Variants in SEMA4D observed in about 807,000 individuals in gnomAD.
SEMA4D encodes semaphorin 4D, also known as semaphorin-4D.
SEMA4D carries 22 observed loss-of-function variants against 74.8 expected under a neutral mutation model. The observed-to-expected ratio is 0.29, with a 90% confidence interval of 0.21 to 0.42. The LOEUF (loss-of-function observed/expected upper bound fraction) is 0.42. Among genes scored for constraint, SEMA4D ranks in the 10% least tolerant of loss-of-function variants. The pLI, the probability that SEMA4D is intolerant of heterozygous loss-of-function variation, is 1.00. For synonymous variants in SEMA4D, 445 were observed against 463.7 expected (o/e 0.96, Z 0.52); for missense variants, 937 against 1,118.4 (o/e 0.84, Z 2.31).
intron 16 of SEMA4D, among the ~76,000 whole-genome samples, chr9:89,370,262 GTGTT>G (rs1384086339): frequency 6.6e-6 from 1 of 151,886 alleles, no homozygotes; most frequent in Non-Finnish European, 1.5e-5. Flanking sequence ...CATGGTGTGT[GTGTT>G]GTGTGGTGGA....
intron 1 of SEMA4D, among the ~76,000 whole-genome samples, chr9:89,471,441 AAAC>A (rs1358102498): frequency 1.3e-5 from 2 of 152,256 alleles, no homozygotes; most frequent in East Asian, 3.8e-4. Context: ...TATAAAAATA[AAAC>A]AATAAAAGAA....
At chr9:89,475,041 C>T (rs1277197168) in intron 1 of SEMA4D, among the ~76,000 whole-genome samples, 4 of 152,220 alleles carry the variant, frequency 2.6e-5, no homozygotes. Flanking sequence ...ACCCCTCTTT[C>T]TCCCCAGCTC....
chr9:89,369,541 C>CACT (rs1191658649), intron 16 of SEMA4D: 6 of 152,174 alleles, frequency 3.9e-5, no homozygotes, highest in East Asian at 1.9e-4. Flanking sequence ...TGTGTGTGCA[C>CACT]ACTAATGTAC....
downstream of SEMA4D, chr9:89,376,628 A>G (rs1835821822): frequency 1.5e-6 from 1 of 684,528 alleles, no homozygotes; most frequent in Non-Finnish European, 2.4e-6. Context: ...CCTGTACACT[A>G]GAAGTGGCTT....
intron 2 of SEMA4D, 93 bp downstream of exon 2, chr9:89,455,795 C>T (rs1274232793): frequency 6.6e-6 from 1 of 152,272 alleles, no homozygotes; most frequent in Non-Finnish European, 1.5e-5. Flanking sequence ...TCGCTGCTGA[C>T]TGAGGAATGG....
chr9:89,425,480 G>A (rs962901156), intron 2 of SEMA4D, among the ~76,000 whole-genome samples: 2 of 152,244 alleles, frequency 1.3e-5, no homozygotes, highest in African/African-American at 4.8e-5. Flanking sequence ...CCTGGAAGCA[G>A]CACGTGGCCC....
intron 2 of SEMA4D, chr9:89,418,066 T>C: frequency 2.0e-6 from 2 of 984,204 alleles, no homozygotes; most frequent in Non-Finnish European, 2.4e-6. Flanking sequence ...CTGTATCTTA[T>C]GCCTCTTGAA....
intron 2 of SEMA4D, among the ~76,000 whole-genome samples, chr9:89,441,991 G>A (rs531534500): frequency 8.5e-5 from 13 of 152,336 alleles, no homozygotes; most frequent in African/African-American, 2.9e-4. Flanking sequence ...CCATTGGACT[G>A]TAAGGCTCTG....
chr9:89,360,955 G>T (rs1304013085), exon 19 of SEMA4D: 1 of 152,188 alleles, frequency 6.6e-6, no homozygotes, highest in Non-Finnish European at 1.5e-5. Context: ...TTCAGGAGAA[G>T]AGACAGAAAA....
chr9:89,385,341 G>A, intron 13 of SEMA4D: 1 of 985,384 alleles, frequency 1.0e-6, no homozygotes, highest in Non-Finnish European at 1.2e-6. Flanking sequence ...TGTTGTAGGT[G>A]CCTGCCCAGT....
chr9:89,408,183 T>C (rs1329163104), intron 2 of SEMA4D, among the ~76,000 whole-genome samples: 1 of 152,220 alleles, frequency 6.6e-6, no homozygotes, highest in Non-Finnish European at 1.5e-5. Flanking sequence ...ACTAATCAAT[T>C]AGCATCTGAT....
At chr9:89,386,164 G>GGTCT (rs771385260) in intron 13 of SEMA4D, 98 of 815,678 alleles carry the variant, frequency 1.2e-4, no homozygotes, top group Non-Finnish European at 1.4e-4. Context: ...CGTCTCCCCA[G>GGTCT]GTCTGCCTTC....
chr9:89,422,060 GA>G (rs1847079901), intron 2 of SEMA4D, among the ~76,000 whole-genome samples: 1 of 152,134 alleles, frequency 6.6e-6, no homozygotes, highest in Non-Finnish European at 1.5e-5. Flanking sequence ...AAAAATTCAA[GA>G]AAGGCAAGAG....
intron 1 of SEMA4D, among the ~76,000 whole-genome samples, chr9:89,496,624 A>G (rs538416575): frequency 6.6e-6 from 1 of 152,296 alleles, no homozygotes; most frequent in East Asian, 1.9e-4. Flanking sequence ...CTGGCTGACG[A>G]CTACCAAGAC....
At chr9:89,493,798 G>A (rs1825805613) in intron 1 of SEMA4D, among the ~76,000 whole-genome samples, 1 of 152,206 alleles carries the variant, frequency 6.6e-6, no homozygotes, top group Non-Finnish European at 1.5e-5. Context: ...AATGGAAGAA[G>A]AAAACAAAGA....
Position 89,422,518 on chromosome 9 carries a change from G to C in SEMA4D, c.-243-16819C>G, listed in dbSNP as rs142984305. 7.4e-3 allele frequency among the ~76,000 whole-genome samples: 1,131 copies of C among 152,340 alleles called. 16 individuals carry two copies. The highest frequency in any genetic ancestry group is 0.025 in the African/African-American group (1,035 of 41,582). Reference sequence around the variant, plus strand: ...GAGCCTACAGGCTGGTAGAGGAAGAGGGCCCGCGTGGGTCACGTCCAGGTC... The same window carrying C: ...GAGCCTACAGGCTGGTAGAGGAAGACGGCCCGCGTGGGTCACGTCCAGGTC... On this transcript the variant is annotated intron_variant, in intron 2 of 15. Transcript: ENST00000422704.
chr9:89,404,940 C>T lies in SEMA4D; in HGVS notation c.106+411G>A, dbSNP rs1290327772. Among the ~76,000 whole-genome samples, 3 of 121,374 alleles carry T rather than the reference C, an allele frequency of 2.5e-5. 1 individual carries two copies. Among genetic ancestry groups the T allele is most frequent in the Non-Finnish European group, 4.8e-5 (3 of 62,690 alleles). The allele number at this position is 121,374 out of a possible 152,430, so 79.6% of individuals were successfully genotyped here. A position where few individuals can be genotyped will look rare whatever the true frequency, so the allele number is the denominator to read the frequency against. On this transcript the variant is annotated intron_variant, in intron 3 of 15. Transcript: ENST00000422704. Reference sequence around the variant, plus strand: ...ATTGGGGTCCCCATCCCATCGCCAGCCACCCACCTCAGCATCCCAGGAAGT... The same window carrying T: ...ATTGGGGTCCCCATCCCATCGCCAGTCACCCACCTCAGCATCCCAGGAAGT...
Position 89,470,593 on chromosome 9 carries a change from AC to A in SEMA4D, c.-309-14641del, listed in dbSNP as rs1859924536. On this transcript the variant is annotated intron_variant, in intron 1 of 15. Coordinates refer to ENST00000422704, the MANE Select transcript of SEMA4D (RefSeq NM_001371194.2). ...AGAATAAACACACACGGACCATATGACCCAGCAATCCCACTTCTGGACATTT... is the reference window on the plus strand; with the variant it reads ...AGAATAAACACACACGGACCATATGACCAGCAATCCCACTTCTGGACATTT... Among the ~76,000 whole-genome samples the A allele has an allele frequency of 3.3e-5, 5 of 152,334 alleles. No homozygotes were observed. In the South Asian group the frequency reaches 1.0e-3, roughly 32 times the overall value.
Position 89,362,310 on chromosome 9 carries a change from G to C in SEMA4D, c.*92C>G, listed in dbSNP as rs1189899033. 5.6e-6 allele frequency: 9 copies of C among 1,608,332 alleles called. No individual in the cohort carries two copies. The East Asian group carries it at 1.8e-4, about 32-fold the overall frequency. Reference sequence around the variant, plus strand: ...CTTGGGCAAGACAGTTCACAGTTGTGGGGGACCAGGCCTTCTCCGGGGGTG... The same window carrying C: ...CTTGGGCAAGACAGTTCACAGTTGTCGGGGACCAGGCCTTCTCCGGGGGTG... On this transcript the variant is annotated 3_prime_UTR_variant, in exon 19 of 19. Transcript: ENST00000339861.
Sources: allele counts gnomAD v4.1 joint callset (sites outside exome capture counted in the v4.1 genomes callset), GRCh38; gene constraint gnomAD v4.1.1; transcripts MANE v1.5; gene names NCBI Gene and HGNC (gene_info 2026-07-23, HGNC 2026-07-21).